The following GMDS variants were observed in gnomAD, a reference collection of about 807,000 sequenced individuals.
GMDS encodes the protein GDP-mannose 4,6-dehydratase.
Under a neutral mutation model 49.9 loss-of-function variants are expected in GMDS, and 20 were observed. The ratio of observed to expected loss-of-function variants is 0.40; its 90% CI spans 0.28 to 0.58. The LOEUF (loss-of-function observed/expected upper bound fraction) is 0.58, where lower values mean the gene tolerates loss of function less well. Among genes scored for constraint, GMDS ranks in the 20% least tolerant of loss-of-function variants. The pLI is 0.42. For missense variants in GMDS, 362 were observed against 481.4 expected, an observed-to-expected ratio of 0.75 and a Z score of 2.32; for synonymous variants, 177 against 178.6, an observed-to-expected ratio of 0.99 and a Z score of 0.07.
At chr6:1,893,373 G>C (rs535348993) in intron 7 of GMDS, among the ~76,000 whole-genome samples, 14 of 151,762 alleles carry the variant, frequency 9.2e-5, no homozygotes, top group Non-Finnish European at 1.9e-4. Flanking sequence ...TGTATTTTTA[G>C]TAGAGACAGG....
intron 7 of GMDS, among the ~76,000 whole-genome samples, chr6:1,912,297 C>T (rs148334847): frequency 6.6e-6 from 1 of 152,232 alleles, no homozygotes; most frequent in East Asian, 1.9e-4. Flanking sequence ...TCCCAGGAGG[C>T]AGAGGTTGCA....
chr6:1,737,594 C>A, intron 8 of GMDS, among the ~76,000 whole-genome samples: 1 of 147,484 alleles, frequency 6.8e-6, no homozygotes, highest in African/African-American at 2.5e-5. Context: ...CACACACATA[C>A]ACACACCACA....
intron 4 of GMDS, among the ~76,000 whole-genome samples, chr6:2,107,266 T>A (rs1188551801): frequency 6.6e-6 from 1 of 152,186 alleles, no homozygotes; most frequent in Non-Finnish European, 1.5e-5. Context: ...TCATATAAAT[T>A]CTTAATGGAC....
intron 4 of GMDS, among the ~76,000 whole-genome samples, chr6:2,047,643 C>G (rs1770102911): frequency 6.6e-6 from 1 of 151,984 alleles, no homozygotes; most frequent in African/African-American, 2.4e-5. Flanking sequence ...TGTGCACCAC[C>G]TTCCCCATCT....
chr6:1,706,983 T>C (rs1765762611), intron 9 of GMDS, among the ~76,000 whole-genome samples: 1 of 152,212 alleles, frequency 6.6e-6, no homozygotes. Context: ...CAAGGAAGCA[T>C]TTGGCATCTC....
Position 2,191,668 on chromosome 6 carries a change from C to T in GMDS, c.102+53653G>A, listed in dbSNP as rs1779025221. ...CCCAGCCAGGTATGTGAGGGTCCTG[C>T]CACCTCAGCTCCCTCCAGACTCTGT... On this transcript the variant is annotated intron_variant, in intron 1 of 10. Coordinates refer to ENST00000380815, the MANE Select transcript of GMDS (RefSeq NM_001500.4). The surrounding 1 kb of genome is among the most constrained non-coding windows in gnomAD (Gnocchi z 4.6). Among the ~76,000 whole-genome samples the T allele has an allele frequency of 6.6e-6, 1 of 152,228 alleles. No homozygotes were observed. Among genetic ancestry groups the T allele is most frequent in the Admixed American group, 6.5e-5 (1 of 15,288 alleles).
intron 7 of GMDS, among the ~76,000 whole-genome samples, chr6:1,885,018 C>T (rs1447954572): frequency 6.6e-6 from 1 of 152,164 alleles, no homozygotes; most frequent in Non-Finnish European, 1.5e-5. Context: ...ATGAATGTAG[C>T]ACTCTGATAA....
intron 9 of GMDS, among the ~76,000 whole-genome samples, chr6:1,631,837 T>C (rs6929507): frequency 0.046 from 6,933 of 152,294 alleles, 509 homozygotes; most frequent in African/African-American, 0.16. Flanking sequence ...TTTTTGGCCA[T>C]TTCTCTGGGG....
intron 7 of GMDS, among the ~76,000 whole-genome samples, chr6:1,924,086 A>C (rs1209208056): frequency 6.6e-6 from 1 of 152,270 alleles, no homozygotes; most frequent in Non-Finnish European, 1.5e-5. Context: ...CCAATAGCAT[A>C]GGTTCGGCAA....
At chr6:1,784,390 C>CAAAAAAAAAAAA (rs780517217) in intron 7 of GMDS, among the ~76,000 whole-genome samples, 1 of 40,494 alleles carries the variant, frequency 2.5e-5, no homozygotes, top group African/African-American at 9.1e-5. Context: ...AGACTCGTCT[C>CAAAAAAAAAAAA]AAAAAAAAAA....
At chr6:2,139,468 C>G (rs1055872764) in intron 1 of GMDS, among the ~76,000 whole-genome samples, 2 of 152,182 alleles carry the variant, frequency 1.3e-5, no homozygotes, top group Admixed American at 1.3e-4. Context: ...TCCTCGGGTA[C>G]GCTAGTCACA....
At chr6:2,194,973 G>A (rs1231211089) in intron 1 of GMDS, among the ~76,000 whole-genome samples, 1 of 152,066 alleles carries the variant, frequency 6.6e-6, no homozygotes, top group East Asian at 1.9e-4. Flanking sequence ...ACAGCCTTTG[G>A]AATTATCAGC....
At chr6:1,788,296 C>A (rs1000183149) in intron 7 of GMDS, among the ~76,000 whole-genome samples, 2 of 152,168 alleles carry the variant, frequency 1.3e-5, no homozygotes, top group Admixed American at 1.3e-4. Flanking sequence ...GGATGTCTTA[C>A]GCGTACTGTG....
chr6:2,082,073 C>G (rs1331252184), intron 4 of GMDS, among the ~76,000 whole-genome samples: 1 of 152,110 alleles, frequency 6.6e-6, no homozygotes, highest in Non-Finnish European at 1.5e-5. Context: ...TACGTTCATC[C>G]CAGCTATACA....
At chr6:1,959,822 T>C (rs202223642) in intron 6 of GMDS, 45 bp downstream of exon 6, 125 of 1,125,224 alleles carry the variant, frequency 1.1e-4, no homozygotes, top group Admixed American at 6.9e-4. Context: ...CTTGTTGTTG[T>C]TGTTCAAGTC....
At chr6:2,000,154 C>G (rs1581493319) in intron 4 of GMDS, among the ~76,000 whole-genome samples, 1 of 141,236 alleles carries the variant, frequency 7.1e-6, no homozygotes. Flanking sequence ...CCTGCCTCAG[C>G]CTCCCCAAGT....
intron 4 of GMDS, among the ~76,000 whole-genome samples, chr6:2,014,194 G>A (rs1167810205): frequency 6.8e-6 from 1 of 148,100 alleles, no homozygotes; most frequent in Non-Finnish European, 1.5e-5. Context: ...AGACCTGCCT[G>A]GCAAGAAATG....
intron 8 of GMDS, among the ~76,000 whole-genome samples, chr6:1,740,551 C>T (rs535967994): frequency 2.5e-3 from 351 of 142,134 alleles, no homozygotes; most frequent in African/African-American, 8.5e-3. Context: ...AGTGAGACTC[C>T]GTCTCAAAAA....
chr6:1,927,600 G>T (rs1248354080), intron 7 of GMDS, among the ~76,000 whole-genome samples: 1 of 152,160 alleles, frequency 6.6e-6, no homozygotes, highest in Non-Finnish European at 1.5e-5. Context: ...TGGGCCTGTT[G>T]TGCCCAGATG....
Sources: allele counts gnomAD v4.1 joint callset (sites outside exome capture counted in the v4.1 genomes callset), GRCh38; gene constraint gnomAD v4.1.1; non-coding constraint Gnocchi (gnomAD v3.1); transcripts MANE v1.5; gene names NCBI Gene and HGNC (gene_info 2026-07-23, HGNC 2026-07-21).